The following TENM4 variants were observed in gnomAD, a reference collection of about 807,000 sequenced individuals.
The protein encoded by TENM4 is teneurin transmembrane protein 4, also known as teneurin-4.
TENM4 carries 82 observed loss-of-function variants against 243.3 expected under a neutral mutation model. The ratio of observed to expected loss-of-function variants is 0.34; its 90% CI spans 0.28 to 0.40. The LOEUF (loss-of-function observed/expected upper bound fraction) is 0.40. TENM4 is among the 10% of genes least tolerant of loss of function. TENM4 has a pLI of 1.00. For synonymous variants in TENM4, 1,412 were observed against 1,456.3 expected, an observed-to-expected ratio of 0.97 and a Z score of 0.69; for missense variants, 3,138 against 3,673.3, an observed-to-expected ratio of 0.85 and a Z score of 3.77.
At chr11:79,072,857 CTAATAACTCATAT>C (rs558218632) in intron 4 of TENM4, among the ~76,000 whole-genome samples, 1 of 152,218 alleles carries the variant, frequency 6.6e-6, no homozygotes, top group Non-Finnish European at 1.5e-5. Flanking sequence ...ATATGACTCA[CTAATAACTCATAT>C]TAATAACTCA....
At chr11:79,192,176 G>A (rs915741631) in intron 3 of TENM4, among the ~76,000 whole-genome samples, 28 of 149,132 alleles carry the variant, frequency 1.9e-4, no homozygotes, top group East Asian at 6.2e-4. Flanking sequence ...CCAGCTGCCC[G>A]GTCTGGGAGC....
At chr11:79,355,293 G>A (rs1374146209) in intron 1 of TENM4, among the ~76,000 whole-genome samples, 1 of 152,156 alleles carries the variant, frequency 6.6e-6, no homozygotes, top group Non-Finnish European at 1.5e-5. Flanking sequence ...AGCACTTTGG[G>A]AGGCCGAGGC....
intron 1 of TENM4, among the ~76,000 whole-genome samples, chr11:79,341,745 C>G (rs746076409): frequency 6.6e-6 from 1 of 152,158 alleles, no homozygotes; most frequent in Non-Finnish European, 1.5e-5. Context: ...AATGTCTGCC[C>G]TTGGAAACTA....
At position 78,702,400 on chromosome 11, in the gene TENM4, G is replaced by T; in HGVS notation, c.4213C>A (p.His1405Asn). The T allele has an allele frequency of 6.2e-7, 1 of 1,609,254 alleles. No homozygotes were observed. Among genetic ancestry groups the T allele is most frequent in the South Asian group, 1.1e-5 (1 of 90,424 alleles). The change falls in exon 28 of 34, where the codon CAC becomes AAC. Residue 1405 changes from histidine (H) to asparagine (N), a missense_variant. Coordinates refer to ENST00000278550, the MANE Select transcript of TENM4 (RefSeq NM_001098816.3). ...GCTAAGTCTGTGGGCCACTCCAGGT[G>T]AACCTGACAATGAAGACACCGATAC... ...CDSVMDISQV[H>N]LEWPTDLAIN...
At chr11:78,949,579 A>G (rs915125606) in intron 6 of TENM4, among the ~76,000 whole-genome samples, 1 of 152,258 alleles carries the variant, frequency 6.6e-6, no homozygotes, top group East Asian at 1.9e-4. Context: ...AACTGATCAA[A>G]GGGAGCAAGC....
At chr11:79,051,432 A>AG (rs1859787936) in intron 6 of TENM4, among the ~76,000 whole-genome samples, 2 of 152,326 alleles carry the variant, frequency 1.3e-5, no homozygotes, top group South Asian at 4.1e-4. Context: ...GTGTGTTTGC[A>AG]GGGGCTAGTC....
In TENM4 at chr11:78,658,177, T is replaced by C. The variant is rs1451029987; in HGVS notation, c.8191A>G (p.Thr2731Ala). ...CCGTCGTAGCCTTGCACCCGCCCTG[T>C]GCTCAGCACCTGCTGCTTCTCCCCC... ...TEGEKQQVLS[T>A]GRVQGYDGFF... The change falls in exon 34 of 34, where the codon ACA becomes GCA. Residue 2731 changes from threonine to alanine, a missense_variant. By Grantham distance (58) the Thr-to-Ala change is moderately conservative. Coordinates refer to ENST00000278550, the MANE Select transcript of TENM4 (RefSeq NM_001098816.3). 2 of 1,614,048 alleles carry C rather than the reference T, an allele frequency of 1.2e-6. No individual in the cohort carries two copies. The highest frequency in any genetic ancestry group is 3.3e-5 in the Admixed American group (2 of 60,022).
chr11:79,394,805 G>A (rs1212000516), intron 1 of TENM4, among the ~76,000 whole-genome samples: 2 of 152,198 alleles, frequency 1.3e-5, no homozygotes, highest in South Asian at 2.1e-4. Context: ...GGCACACAGA[G>A]TGGGGAAACC....
In TENM4 at chr11:78,911,193, T is replaced by G. The variant is rs1856176319; in HGVS notation, c.494-7670A>C. Among the ~76,000 whole-genome samples, 3 of 152,182 alleles carry G rather than the reference T, an allele frequency of 2.0e-5. No homozygotes were observed. The South Asian group carries it at 6.2e-4, about 32-fold the overall frequency. On this transcript the variant is annotated intron_variant, in intron 6 of 33. Transcript: ENST00000278550. ...GGTGTTTTCTGGTTGTCACAATGGC[T>G]GGGAAGCACAGCTGGCCTTTGGCAG... is the stretch of plus-strand genomic sequence containing the variant.
rs1860813954 is a variant in TENM4 at position 79,086,542 on chromosome 11, A to G, written c.-65-16533T>C. On this transcript the variant is annotated intron_variant, in intron 4 of 33. Coordinates refer to ENST00000278550, the MANE Select transcript of TENM4 (RefSeq NM_001098816.3). ...AGATCATTAAGGTATTTTAAAAATA[A>G]GAGGAACTGGGTCAGGTCTGGTGGC... Among the ~76,000 whole-genome samples the G allele has an allele frequency of 2.0e-5, 3 of 152,244 alleles. No individual in the cohort carries two copies. The South Asian group carries it at 6.2e-4, about 31-fold the overall frequency.
chr11:78,862,082 C>T (rs1176531726), intron 10 of TENM4, among the ~76,000 whole-genome samples: 1 of 152,196 alleles, frequency 6.6e-6, no homozygotes, highest in Non-Finnish European at 1.5e-5. Context: ...CCCAATGCCA[C>T]CACCATTTCC....
At chr11:78,743,827 G>T (rs1359240790) in intron 19 of TENM4, among the ~76,000 whole-genome samples, 5 of 152,170 alleles carry the variant, frequency 3.3e-5, no homozygotes, top group Admixed American at 6.5e-5. Flanking sequence ...TTATTATTTT[G>T]TGTGTGTGTT....
Position 79,371,879 on chromosome 11 carries a change from T to G in TENM4, c.-321+68630A>C, listed in dbSNP as rs140417978. Among the ~76,000 whole-genome samples, 6 of 152,302 alleles carry G rather than the reference T, an allele frequency of 3.9e-5. No homozygotes were observed. The East Asian group carries it at 1.2e-3, about 29-fold the overall frequency. ...TTCCTGAGCTCAGAGCTACCTTTTA[T>G]CCTGATGATTGGGGCAAATGGTCCC... is the stretch of plus-strand genomic sequence containing the variant. On this transcript the variant is annotated intron_variant, in intron 1 of 33. Transcript: ENST00000278550.
At chr11:78,760,833 T>G (rs1856414282) in intron 18 of TENM4, among the ~76,000 whole-genome samples, 1 of 152,234 alleles carries the variant, frequency 6.6e-6, no homozygotes, top group South Asian at 2.1e-4. Context: ...TATCCTGATT[T>G]GTTTCTTCAA....
chr11:79,065,730 C>T (rs1384371095), intron 5 of TENM4, among the ~76,000 whole-genome samples: 4 of 152,176 alleles, frequency 2.6e-5, no homozygotes, highest in African/African-American at 9.6e-5. Flanking sequence ...TGATGGGGAA[C>T]TGGCAGAGAC....
intron 1 of TENM4, among the ~76,000 whole-genome samples, chr11:79,315,934 C>G (rs919598871): frequency 1.3e-5 from 2 of 152,230 alleles, no homozygotes; most frequent in African/African-American, 4.8e-5. Flanking sequence ...ATTACTTTTC[C>G]TGCCATTACG....
intron 1 of TENM4, among the ~76,000 whole-genome samples, chr11:79,415,994 A>G (rs556128692): frequency 2.1e-4 from 32 of 152,250 alleles, no homozygotes; most frequent in African/African-American, 7.5e-4. Flanking sequence ...TACAGTATAC[A>G]TGCTTTTGAG....
chr11:79,318,937 G>C (rs1478644456), intron 1 of TENM4, among the ~76,000 whole-genome samples: 1 of 152,172 alleles, frequency 6.6e-6, no homozygotes, highest in East Asian at 1.9e-4. Context: ...GTGATTCCCT[G>C]TCTTTAAGCT....
At chr11:79,126,451 G>A (rs145744792) in intron 4 of TENM4, among the ~76,000 whole-genome samples, 1,604 of 152,256 alleles carry the variant, frequency 0.011, 36 homozygotes, top group East Asian at 0.073. Flanking sequence ...AAGGTGGCAG[G>A]GGCCAAGTGG....
Sources: allele counts gnomAD v4.1 joint callset (sites outside exome capture counted in the v4.1 genomes callset), GRCh38; gene constraint gnomAD v4.1.1; transcripts MANE v1.5; gene names NCBI Gene and HGNC (gene_info 2026-07-23, HGNC 2026-07-21).